The following OPHN1 variants were observed in gnomAD, a reference collection of about 807,000 sequenced individuals.
OPHN1 encodes the protein oligophrenin-1.
In OPHN1, 11 loss-of-function variants were observed where a neutral mutation model predicts 60.7. That is an observed-to-expected ratio of 0.18 (90% CI 0.11 to 0.30). OPHN1 has a LOEUF of 0.30. Among genes scored for constraint, OPHN1 ranks in the 10% least tolerant of loss-of-function variants. The probability of loss-of-function intolerance (pLI) is 1.00; values close to 1 mark genes in which losing one functional copy is unlikely to be tolerated. For synonymous variants in OPHN1, 226 were observed against 222.6 expected, an observed-to-expected ratio of 1.02 and a Z score of -0.14; for missense variants, 449 against 611.0, an observed-to-expected ratio of 0.73 and a Z score of 2.80.
chrX:68,356,881 G>A (rs992931583), intron 2 of OPHN1, among the ~76,000 whole-genome samples: 2 of 111,399 alleles, frequency 1.8e-5, no homozygotes, highest in African/African-American at 3.3e-5. Flanking sequence ...AGCCAGTCAC[G>A]AAAAACCTCG....
intron 5 of OPHN1, among the ~76,000 whole-genome samples, chrX:68,240,621 T>G (rs1047684580): frequency 1.8e-5 from 2 of 111,738 alleles, no homozygotes; most frequent in Admixed American, 1.9e-4. Flanking sequence ...TCTACTGTGT[T>G]TGTTTGCATT....
At chrX:68,182,178 A>C (rs1208069120) in intron 15 of OPHN1, among the ~76,000 whole-genome samples, 1 of 96,193 alleles carries the variant, frequency 1.0e-5, no homozygotes, top group Non-Finnish European at 2.0e-5. Context: ...ACTGACATAG[A>C]AGCTCTGTAG....
intron 19 of OPHN1, among the ~76,000 whole-genome samples, chrX:68,088,515 T>C (rs2077004047): frequency 9.0e-6 from 1 of 111,473 alleles, no homozygotes; most frequent in Admixed American, 9.6e-5. Context: ...TTAACAACCA[T>C]AAACAATGGT....
chrX:68,184,753 T>A (rs1451190762), intron 15 of OPHN1, among the ~76,000 whole-genome samples: 1 of 109,583 alleles, frequency 9.1e-6, no homozygotes, highest in African/African-American at 3.3e-5. Context: ...CCCACCACCA[T>A]GCCTGGCTAA....
Position 68,263,755 on chromosome X carries a change from T to A in OPHN1, c.384+10983A>T, listed in dbSNP as rs765317285. On this transcript the variant is annotated intron_variant, in intron 5 of 24. Coordinates refer to ENST00000355520, the MANE Select transcript of OPHN1 (RefSeq NM_002547.3). ...GTAATTTCTTTGTCTAGGTCAGTGT[T>A]ATCCAATAGAAAGATAATGCAAGCC... Among the ~76,000 whole-genome samples, 64 of 111,886 alleles carry A rather than the reference T, an allele frequency of 5.7e-4. 1 individual carries two copies. Among genetic ancestry groups the A allele is most frequent in the Admixed American group, 4.9e-3 (52 of 10,521 alleles).
intron 15 of OPHN1, among the ~76,000 whole-genome samples, chrX:68,182,432 A>C (rs960123855): frequency 3.0e-4 from 33 of 109,380 alleles, no homozygotes; most frequent in Non-Finnish European, 6.1e-4. Context: ...GGAAGGAGGG[A>C]GAAGAAAGAC....
At chrX:68,298,764 G>C (rs766584815) in intron 3 of OPHN1, among the ~76,000 whole-genome samples, 115 of 112,185 alleles carry the variant, frequency 1.0e-3, no homozygotes, top group Middle Eastern at 4.6e-3. Context: ...CTTGCAGACT[G>C]TCTGAGTCAA....
chrX:68,175,870 A>G (rs753129999), intron 15 of OPHN1, among the ~76,000 whole-genome samples: 1 of 112,379 alleles, frequency 8.9e-6, no homozygotes, highest in South Asian at 3.7e-4. Context: ...GCATAAAGAC[A>G]GACCTGCAGT....
intron 4 of OPHN1, 37 bp downstream of exon 4, chrX:68,283,019 C>A: frequency 3.6e-6 from 4 of 1,099,694 alleles, no homozygotes; most frequent in Non-Finnish European, 5.0e-6. Context: ...CTATATCACC[C>A]ATGAACTCAG....
At chrX:68,395,517 G>A (rs1360127993) in intron 2 of OPHN1, among the ~76,000 whole-genome samples, 3 of 104,219 alleles carry the variant, frequency 2.9e-5, no homozygotes, top group South Asian at 4.3e-4. Context: ...GCACGATCTC[G>A]GCTCACTGCA....
At chrX:68,132,435 A>G in intron 15 of OPHN1, among the ~76,000 whole-genome samples, 1 of 107,134 alleles carries the variant, frequency 9.3e-6, no homozygotes. Flanking sequence ...CATTGTCAGT[A>G]AACTATCGCA....
At chrX:68,230,122 T>C (rs2077720039) in intron 6 of OPHN1, among the ~76,000 whole-genome samples, 1 of 112,025 alleles carries the variant, frequency 8.9e-6, no homozygotes, top group African/African-American at 3.2e-5. Flanking sequence ...CAGATGCTTC[T>C]CAAAAGAAGA....
chrX:68,175,188 G>A, intron 15 of OPHN1, among the ~76,000 whole-genome samples: 1 of 111,406 alleles, frequency 9.0e-6, no homozygotes, highest in African/African-American at 3.3e-5. Flanking sequence ...ATCATTATGT[G>A]TAAGATTGTT....
rs925854394 is a variant in OPHN1, at chrX:68,299,167, G to A, written c.155-71C>T. ...TTGATCTATTTCCTCATCTCTATAA[G>A]AGCAGATAAAAGAAAACCAAAGGTA... On this transcript the variant is annotated intron_variant, in intron 2 of 24. Transcript: ENST00000355520. The A allele has an allele frequency of 3.1e-5, 22 of 717,458 alleles. No homozygotes were observed. In the East Asian group the frequency reaches 8.0e-4, roughly 26 times the overall value. The allele number at this position is 717,458 out of a possible 1,213,427, so 59.1% of individuals were successfully genotyped here. A position where few individuals can be genotyped will look rare whatever the true frequency, so the allele number is the denominator to read the frequency against.
chrX:68,244,162 A>G (rs767872425), intron 5 of OPHN1, among the ~76,000 whole-genome samples: 1 of 111,260 alleles, frequency 9.0e-6, no homozygotes, highest in African/African-American at 3.3e-5. Context: ...CTACCTCAGG[A>G]CCTTTGTGCG....
At chrX:68,358,051 G>A (rs2075809982) in intron 2 of OPHN1, among the ~76,000 whole-genome samples, 1 of 108,388 alleles carries the variant, frequency 9.2e-6, no homozygotes, top group African/African-American at 3.4e-5. Context: ...AGCATTTTAG[G>A]AGGCCGAGAG....
At chrX:68,377,014 C>T (rs776713043) in intron 2 of OPHN1, among the ~76,000 whole-genome samples, 64 of 107,443 alleles carry the variant, frequency 6.0e-4, no homozygotes, top group African/African-American at 1.9e-3. Context: ...ACTGCAACCT[C>T]CGCCTCCCAG....
chrX:68,220,566 C>T (rs1198475606), intron 6 of OPHN1, among the ~76,000 whole-genome samples: 1 of 90,351 alleles, frequency 1.1e-5, no homozygotes, highest in South Asian at 6.7e-4. Flanking sequence ...AGCAGCACAT[C>T]AAAAAGCTTA....
rs2076821968 is a variant in OPHN1, at chrX:68,043,334, C to A, written c.*3838G>T. On this transcript the variant is annotated 3_prime_UTR_variant, in exon 25 of 25. Coordinates refer to ENST00000355520, the MANE Select transcript of OPHN1 (RefSeq NM_002547.3). ...CATGTATACATATGTAACTAACCTGCACAATGTGCACATGTACCCTAAAAC... is the reference window on the plus strand; with the variant it reads ...CATGTATACATATGTAACTAACCTGAACAATGTGCACATGTACCCTAAAAC... The A allele has an allele frequency of 1.2e-5, 1 of 82,270 alleles. No individual in the cohort carries two copies. Among genetic ancestry groups the A allele is most frequent in the Non-Finnish European group, 2.3e-5 (1 of 43,858 alleles). 6.8% of individuals were successfully genotyped at this position (82,270 alleles called of 1,213,427 possible). A position where few individuals can be genotyped will look rare whatever the true frequency, so the allele number is the denominator to read the frequency against.
Sources: gnomAD v4.1 joint callset for allele counts (sites outside exome capture counted in the v4.1 genomes callset) on GRCh38, gnomAD v4.1.1 for gene constraint, MANE v1.5 for transcripts, NCBI Gene and HGNC (gene_info 2026-07-23, HGNC 2026-07-21) for gene names.